Variants in DCUN1D1 observed in about 807,000 individuals in gnomAD.
The protein encoded by DCUN1D1 is defective in cullin neddylation 1 domain containing 1.
DCUN1D1 carries 3 observed loss-of-function variants against 39.0 expected under a neutral mutation model. The ratio of observed to expected loss-of-function variants is 0.08; its 90% CI spans 0.04 to 0.20. The LOEUF (loss-of-function observed/expected upper bound fraction) is 0.20, where lower values mean the gene tolerates loss of function less well. Among genes scored for constraint, DCUN1D1 ranks in the 10% least tolerant of loss-of-function variants. DCUN1D1 has a pLI of 1.00. For synonymous variants in DCUN1D1, 82 were observed against 96.3 expected (o/e 0.85, Z 0.87); for missense variants, 158 against 302.4 (o/e 0.52, Z 3.54).
intron 1 of DCUN1D1, among the ~76,000 whole-genome samples, chr3:182,967,386 GTACA>G (rs1170913291): frequency 6.6e-6 from 1 of 152,034 alleles, no homozygotes; most frequent in Non-Finnish European, 1.5e-5. Flanking sequence ...ACTGCTTGCT[GTACA>G]TATTTACATA....
At chr3:182,964,095 A>G (rs368282297) in intron 2 of DCUN1D1, 46 bp from the exon 3 acceptor site, 2 of 1,511,384 alleles carry the variant, frequency 1.3e-6, no homozygotes, top group Non-Finnish European at 1.8e-6. Context: ...ATATTATGCT[A>G]CATTATGAAA....
In DCUN1D1 at chr3:182,964,062, CAAT is replaced by C. The variant is rs772799259; in HGVS notation, c.221-16_221-14del. The C allele has an allele frequency of 6.9e-6, 11 of 1,601,884 alleles. No individual in the cohort carries two copies. Among genetic ancestry groups the C allele is most frequent in the Non-Finnish European group, 9.4e-6 (11 of 1,171,302 alleles). On this transcript the variant is annotated splice_polypyrimidine_tract_variant and intron_variant, in intron 2 of 6. Transcript: ENST00000292782. ...TCATCTTGAGGGTCTTTAAAAATAACAATGCAATATTAAAGTAGTGTCATATTA... is the reference window on the plus strand; with the variant it reads ...TCATCTTGAGGGTCTTTAAAAATAACGCAATATTAAAGTAGTGTCATATTA...
intron 1 of DCUN1D1, among the ~76,000 whole-genome samples, chr3:182,971,052 A>G (rs1352156597): frequency 6.6e-6 from 1 of 152,204 alleles, no homozygotes; most frequent in Non-Finnish European, 1.5e-5. Flanking sequence ...GCAATATAAT[A>G]TGATTCACTA....
chr3:182,952,003 G>A (rs944429969), intron 4 of DCUN1D1, among the ~76,000 whole-genome samples: 1 of 152,052 alleles, frequency 6.6e-6, no homozygotes, highest in African/African-American at 2.4e-5. Flanking sequence ...TCCAAAAGAA[G>A]GGAATTTCTT....
chr3:182,947,433 G>C, intron 5 of DCUN1D1, 99 bp from the exon 6 acceptor site: 1 of 1,108,340 alleles, frequency 9.0e-7, no homozygotes. Flanking sequence ...AAACAATTAT[G>C]TAACAAAATT....
intron 4 of DCUN1D1, among the ~76,000 whole-genome samples, chr3:182,950,506 GGTTT>G (rs1353449796): frequency 6.6e-6 from 1 of 151,640 alleles, no homozygotes; most frequent in African/African-American, 2.4e-5. Flanking sequence ...AATCAAAATA[GGTTT>G]GTTTTTATTA....
At chr3:182,976,799 T>C (rs1365776190) in intron 1 of DCUN1D1, among the ~76,000 whole-genome samples, 1 of 152,202 alleles carries the variant, frequency 6.6e-6, no homozygotes, top group East Asian at 1.9e-4. Context: ...ATCCCTTCAG[T>C]GCCTAACACT....
chr3:182,977,625 G>C (rs901880784), intron 1 of DCUN1D1, among the ~76,000 whole-genome samples: 1 of 151,916 alleles, frequency 6.6e-6, no homozygotes, highest in Non-Finnish European at 1.5e-5. Context: ...TAGTAGAGAC[G>C]GGGTTTCACC....
chr3:182,980,724 C>CGGGGGCG (rs1728508495), upstream of DCUN1D1: 1 of 176,280 alleles, frequency 5.7e-6, no homozygotes, highest in African/African-American at 2.5e-5. Flanking sequence ...GGGGAGTGGG[C>CGGGGGCG]GGGGGCGGGG....
rs1227586506 is a variant in DCUN1D1, at chr3:182,943,580, T to C, written c.*1514A>G. The C allele has an allele frequency of 6.6e-6, 1 of 152,326 alleles. No homozygotes were observed. The highest frequency in any genetic ancestry group is 2.4e-5 in the African/African-American group (1 of 41,462). 9.4% of individuals were successfully genotyped at this position (152,326 alleles called of 1,614,324 possible). On this transcript the variant is annotated 3_prime_UTR_variant, in exon 7 of 7. Transcript: ENST00000292782. ...TGTACTGCTATTCTAAGTACATTCC[T>C]TTGTTAATATCAACCCTAGACCTTA...
At chr3:182,960,327 T>C (rs1727319301) in intron 4 of DCUN1D1, among the ~76,000 whole-genome samples, 1 of 152,146 alleles carries the variant, frequency 6.6e-6, no homozygotes, top group African/African-American at 2.4e-5. Context: ...AAAAGAAGCC[T>C]GTGGTTATTC....
chr3:182,957,042 G>A (rs955317386), intron 4 of DCUN1D1, among the ~76,000 whole-genome samples: 1 of 152,252 alleles, frequency 6.6e-6, no homozygotes, highest in Non-Finnish European at 1.5e-5. Flanking sequence ...AGGTAACTGA[G>A]AGTGGATCTT....
At position 182,940,640 on chromosome 3, in the gene DCUN1D1, G is replaced by A. The variant is rs1348257157; in HGVS notation, c.*4454C>T. Reference sequence around the variant, plus strand: ...AGCCTACAACAGATAAAAGTAGAATGCCATAAAGGAAGTGGGAAAGGGCCT... The same window carrying A: ...AGCCTACAACAGATAAAAGTAGAATACCATAAAGGAAGTGGGAAAGGGCCT... On this transcript the variant is annotated 3_prime_UTR_variant, in exon 7 of 7. Coordinates refer to ENST00000292782, the MANE Select transcript of DCUN1D1 (RefSeq NM_020640.4). The A allele has an allele frequency of 5.9e-5, 9 of 152,120 alleles. No individual in the cohort carries two copies. Among genetic ancestry groups the A allele is most frequent in the Admixed American group, 5.2e-4 (8 of 15,266 alleles). 9.4% of individuals were successfully genotyped at this position (152,120 alleles called of 1,614,324 possible). A position where few individuals can be genotyped will look rare whatever the true frequency, so the allele number is the denominator to read the frequency against.
intron 2 of DCUN1D1, among the ~76,000 whole-genome samples, chr3:182,964,439 C>A (rs1179814404): frequency 6.6e-6 from 1 of 152,062 alleles, no homozygotes; most frequent in Non-Finnish European, 1.5e-5. Flanking sequence ...CATTTTACCA[C>A]AACAATTACT....
At chr3:182,955,995 C>G (rs1727039631) in intron 4 of DCUN1D1, 1 of 150,640 alleles carries the variant, frequency 6.6e-6, no homozygotes, top group Non-Finnish European at 1.4e-5. Context: ...GTGGCACAAT[C>G]TCAGCTCACT....
At chr3:182,965,009 T>C (rs1025536384) in intron 2 of DCUN1D1, among the ~76,000 whole-genome samples, 1 of 152,208 alleles carries the variant, frequency 6.6e-6, no homozygotes, top group African/African-American at 2.4e-5. Context: ...AATTTGACTT[T>C]GGAGCACAAG....
chr3:182,945,263 T>G, intron 6 of DCUN1D1, 90 bp from the exon 7 acceptor site: 1 of 968,514 alleles, frequency 1.0e-6, no homozygotes. Context: ...TTTTAAGACT[T>G]CCTCATAAGC....
chr3:182,984,682 G>A (rs1034713755), upstream of DCUN1D1, among the ~76,000 whole-genome samples: 7 of 151,972 alleles, frequency 4.6e-5, no homozygotes, highest in East Asian at 1.2e-3. Context: ...TCATAAATAC[G>A]TAAATACTTC....
Position 182,944,103 on chromosome 3 carries a change from C to A in DCUN1D1, c.*991G>T. On this transcript the variant is annotated 3_prime_UTR_variant, in exon 7 of 7. Coordinates refer to ENST00000292782, the MANE Select transcript of DCUN1D1 (RefSeq NM_020640.4). The stretch of plus-strand genomic sequence containing the variant: ...TTCAAAATTTAACTGCAACTATCTT[C>A]TTATAAATTAAGAGAATTCCATTTG... The A allele has an allele frequency of 6.6e-6, 1 of 152,426 alleles. No homozygotes were observed. Among genetic ancestry groups the A allele is most frequent in the African/African-American group, 2.4e-5 (1 of 41,386 alleles). The allele number at this position is 152,426 out of a possible 1,614,324, so 9.4% of individuals were successfully genotyped here. A position where few individuals can be genotyped will look rare whatever the true frequency, so the allele number is the denominator to read the frequency against.
Sources: gnomAD v4.1 joint callset for allele counts (sites outside exome capture counted in the v4.1 genomes callset) on GRCh38, gnomAD v4.1.1 for gene constraint, MANE v1.5 for transcripts, NCBI Gene and HGNC (gene_info 2026-07-23, HGNC 2026-07-21) for gene names.